Variants in BLTP3B observed in about 807,000 individuals in gnomAD.
The protein encoded by BLTP3B is UHRF1 (ICBP90) binding protein 1-like.
the BLTP3B span, chr12:100,142,819 AGGCCGCCACGGCCGCCGC>A: frequency 1.3e-5 from 11 of 826,536 alleles, no homozygotes; most frequent in Admixed American, 7.1e-5. Context: ...CATCACGCTC[AGGCCGCCACGGCCGCCGC>A]GGGCGCCATC....
chr12:100,066,597 T>C, the BLTP3B span, among the ~76,000 whole-genome samples: 2 of 148,412 alleles, frequency 1.3e-5, no homozygotes, highest in African/African-American at 5.0e-5. Context: ...ATTGAGACCA[T>C]CCTGGCTAAC....
At chr12:100,079,549 T>C in the BLTP3B span, among the ~76,000 whole-genome samples, 1 of 152,172 alleles carries the variant, frequency 6.6e-6, no homozygotes, top group Non-Finnish European at 1.5e-5. Flanking sequence ...TGGGTGTTCT[T>C]AAAGGCATTT....
chr12:100,058,515 C>T, the BLTP3B span: 3 of 1,613,322 alleles, frequency 1.9e-6, no homozygotes, highest in Non-Finnish European at 2.5e-6. Context: ...AGTTACACTT[C>T]TAATTCTATT....
chr12:100,118,259 G>A, the BLTP3B span, among the ~76,000 whole-genome samples: 2 of 152,076 alleles, frequency 1.3e-5, no homozygotes, highest in East Asian at 1.9e-4. Context: ...AGGTGTAGTG[G>A]TGCATGCCTG....
At chr12:100,068,078 A>G in the BLTP3B span, among the ~76,000 whole-genome samples, 2 of 152,192 alleles carry the variant, frequency 1.3e-5, no homozygotes, top group African/African-American at 4.8e-5. Context: ...TGGAGGCATC[A>G]TATTACCTGA....
the BLTP3B span, chr12:100,083,050 A>G: frequency 6.2e-7 from 1 of 1,613,768 alleles, no homozygotes; most frequent in Non-Finnish European, 8.5e-7. Flanking sequence ...TCTAACCACA[A>G]CAGAACTAGA....
the BLTP3B span, among the ~76,000 whole-genome samples, chr12:100,079,529 A>C: frequency 6.6e-6 from 1 of 152,336 alleles, no homozygotes; most frequent in Non-Finnish European, 1.5e-5. Flanking sequence ...CAATGCATTC[A>C]AGGGTGACTT....
the BLTP3B span, among the ~76,000 whole-genome samples, chr12:100,040,658 C>G: frequency 2.0e-5 from 3 of 152,168 alleles, no homozygotes; most frequent in Non-Finnish European, 4.4e-5. Context: ...TGCACTCCAG[C>G]CTGGGCGACA....
chr12:100,128,760 G>C, the BLTP3B span: 2 of 1,255,252 alleles, frequency 1.6e-6, no homozygotes, highest in East Asian at 5.6e-5. Context: ...ACACAGAAGG[G>C]AGCAAGTTTA....
At chr12:100,060,727 T>C in the BLTP3B span, among the ~76,000 whole-genome samples, 3 of 152,222 alleles carry the variant, frequency 2.0e-5, no homozygotes, top group African/African-American at 7.2e-5. Context: ...TATCACTTCC[T>C]GAAATATACA....
At chr12:100,140,704 CAAAA>C in the BLTP3B span, among the ~76,000 whole-genome samples, 1,447 of 33,102 alleles carry the variant, frequency 0.044, 2 homozygotes, top group Non-Finnish European at 0.053. Context: ...GACTCTGTCT[CAAAA>C]AAAAAAAAAA....
At chr12:100,071,118 A>G in the BLTP3B span, among the ~76,000 whole-genome samples, 1 of 152,188 alleles carries the variant, frequency 6.6e-6, no homozygotes, top group South Asian at 2.1e-4. Context: ...AACAAAACCT[A>G]TTTCATCTAA....
the BLTP3B span, among the ~76,000 whole-genome samples, chr12:100,115,034 C>T: frequency 8.5e-4 from 129 of 152,144 alleles, 2 homozygotes; most frequent in African/African-American, 2.5e-3. Flanking sequence ...ATAACAATTT[C>T]GTAAGGATAC....
the BLTP3B span, chr12:100,048,267 A>G: frequency 6.9e-7 from 1 of 1,458,832 alleles, no homozygotes; most frequent in Non-Finnish European, 9.1e-7. Flanking sequence ...GCCATGTAGT[A>G]CATTAAAATA....
chr12:100,060,546 A>G, the BLTP3B span, among the ~76,000 whole-genome samples: 6 of 152,308 alleles, frequency 3.9e-5, no homozygotes, highest in South Asian at 2.1e-4. Flanking sequence ...GTGCTATGCT[A>G]GCAGGTTCTC....
chr12:100,129,997 C>T, the BLTP3B span, among the ~76,000 whole-genome samples: 6 of 152,192 alleles, frequency 3.9e-5, no homozygotes, highest in Admixed American at 3.9e-4. Context: ...AACTCTGTTG[C>T]CCAGGCTAGA....
At chr12:100,090,452 AATT>A in the BLTP3B span, among the ~76,000 whole-genome samples, 1 of 152,168 alleles carries the variant, frequency 6.6e-6, no homozygotes, top group Non-Finnish European at 1.5e-5. Flanking sequence ...TTTTTATAAT[AATT>A]ATAAGACCAA....
the BLTP3B span, among the ~76,000 whole-genome samples, chr12:100,067,865 A>C: frequency 6.6e-6 from 1 of 152,250 alleles, no homozygotes; most frequent in Non-Finnish European, 1.5e-5. Context: ...AAACGAATGG[A>C]AACACATCCC....
At chr12:100,139,484 G>A in the BLTP3B span, among the ~76,000 whole-genome samples, 3 of 152,054 alleles carry the variant, frequency 2.0e-5, no homozygotes, top group African/African-American at 4.8e-5. Flanking sequence ...TTTCCTTACC[G>A]GAAGACCCCT....
Sources: allele counts gnomAD v4.1 joint callset (sites outside exome capture counted in the v4.1 genomes callset), GRCh38; gene constraint gnomAD v4.1.1; transcripts MANE v1.5; gene names NCBI Gene and HGNC (gene_info 2026-07-23, HGNC 2026-07-21).